The following MGMT variants were observed in gnomAD, a reference collection of about 807,000 sequenced individuals.
MGMT encodes the protein O-6-methylguanine-DNA methyltransferase.
MGMT carries 14 observed loss-of-function variants against 15.9 expected under a neutral mutation model. The ratio of observed to expected loss-of-function variants is 0.88; its 90% CI spans 0.58 to 1.37. The LOEUF is 1.37. MGMT is among the 40% of genes most tolerant of loss of function. The pLI, the probability that MGMT is intolerant of heterozygous loss-of-function variation, is 0.00. For synonymous variants in MGMT, 130 were observed against 118.2 expected (o/e 1.10, Z -0.65); for missense variants, 282 against 268.1 (o/e 1.05, Z -0.36).
At chr10:129,586,314 C>G (rs1312094434) in intron 2 of MGMT, among the ~76,000 whole-genome samples, 1 of 152,164 alleles carries the variant, frequency 6.6e-6, no homozygotes, top group Non-Finnish European at 1.5e-5. Context: ...AAAGTTTCCT[C>G]TTGCACCTCT....
At chr10:129,505,226 ATC>A (rs1421414590) in intron 1 of MGMT, among the ~76,000 whole-genome samples, 12 of 148,826 alleles carry the variant, frequency 8.1e-5, no homozygotes, top group Admixed American at 1.3e-4. Context: ...GTAGATAAAT[ATC>A]TCTTTTAGTC....
intron 1 of MGMT, among the ~76,000 whole-genome samples, chr10:129,496,652 A>G (rs1845525011): frequency 6.6e-6 from 1 of 151,986 alleles, no homozygotes; most frequent in South Asian, 2.1e-4. Context: ...CAGCCGTGGA[A>G]TGGGGATGGG....
chr10:129,468,445 C>T (rs923199591), intron 1 of MGMT, among the ~76,000 whole-genome samples: 7 of 151,946 alleles, frequency 4.6e-5, no homozygotes, highest in Non-Finnish European at 1.0e-4. Flanking sequence ...CTTGCTCTGC[C>T]GCGTGTCTTT....
At chr10:129,495,382 G>T (rs4751091) in intron 1 of MGMT, among the ~76,000 whole-genome samples, 9,157 of 152,234 alleles carry the variant, frequency 0.06, 386 homozygotes, top group Admixed American at 0.079. Flanking sequence ...ATAGTCACTT[G>T]GTAATTAGGT....
chr10:129,627,611 C>A (rs1398234851), intron 2 of MGMT, among the ~76,000 whole-genome samples: 1 of 152,186 alleles, frequency 6.6e-6, no homozygotes, highest in Non-Finnish European at 1.5e-5. Flanking sequence ...CCAACACTTC[C>A]TTCCTCACAG....
At chr10:129,620,260 A>G (rs938485131) in intron 2 of MGMT, among the ~76,000 whole-genome samples, 1 of 152,210 alleles carries the variant, frequency 6.6e-6, no homozygotes, top group African/African-American at 2.4e-5. Context: ...TACTGTAATT[A>G]TTGTAAATGG....
intron 2 of MGMT, among the ~76,000 whole-genome samples, chr10:129,682,244 A>T (rs1251516026): frequency 6.6e-6 from 1 of 152,164 alleles, no homozygotes. Context: ...AGCAATTCAG[A>T]TGTCCTTCCA....
At chr10:129,485,410 CTCACT>C (rs1296462895) in intron 1 of MGMT, among the ~76,000 whole-genome samples, 1 of 152,194 alleles carries the variant, frequency 6.6e-6, no homozygotes, top group Non-Finnish European at 1.5e-5. Flanking sequence ...TGGCGGCTGG[CTCACT>C]TCACTTCCCT....
chr10:129,507,256 C>T (rs1167895897), intron 1 of MGMT, among the ~76,000 whole-genome samples: 2 of 152,210 alleles, frequency 1.3e-5, no homozygotes, highest in Non-Finnish European at 2.9e-5. Flanking sequence ...TGCATTTATC[C>T]CATGTCCTTG....
chr10:129,640,872 G>T (rs1005325005), intron 2 of MGMT, among the ~76,000 whole-genome samples: 1 of 152,074 alleles, frequency 6.6e-6, no homozygotes, highest in Non-Finnish European at 1.5e-5. Context: ...TGTTAATCTC[G>T]AAGAAATTTC....
intron 1 of MGMT, among the ~76,000 whole-genome samples, chr10:129,480,723 T>G (rs1350741162): frequency 2.0e-5 from 3 of 152,160 alleles, no homozygotes; most frequent in Admixed American, 2.0e-4. Flanking sequence ...ACAAAAACAT[T>G]TTTTAAAAAG....
At chr10:129,469,394 A>G (rs1845205542) in intron 1 of MGMT, among the ~76,000 whole-genome samples, 1 of 152,080 alleles carries the variant, frequency 6.6e-6, no homozygotes, top group Non-Finnish European at 1.5e-5. Context: ...TCTTTGATAG[A>G]AAAAAAATGG....
intron 3 of MGMT, among the ~76,000 whole-genome samples, chr10:129,744,915 A>G (rs1848676828): frequency 6.6e-6 from 1 of 151,990 alleles, no homozygotes; most frequent in South Asian, 2.1e-4. Flanking sequence ...TGCTGACACC[A>G]CCCACCTTGC....
chr10:129,496,725 C>T (rs1480106943), intron 1 of MGMT, among the ~76,000 whole-genome samples: 1 of 152,216 alleles, frequency 6.6e-6, no homozygotes, highest in Non-Finnish European at 1.5e-5. Flanking sequence ...AGAGAAATAA[C>T]TCACAAGGGA....
intron 2 of MGMT, among the ~76,000 whole-genome samples, chr10:129,584,719 C>T (rs575069773): frequency 9.2e-4 from 140 of 152,294 alleles, no homozygotes; most frequent in African/African-American, 3.2e-3. Flanking sequence ...GGATGTTTTG[C>T]ATCAACGGAA....
intron 2 of MGMT, among the ~76,000 whole-genome samples, chr10:129,610,787 C>T (rs1846950692): frequency 6.6e-6 from 1 of 152,208 alleles, no homozygotes; most frequent in Admixed American, 6.5e-5. Context: ...GCAAAGCCCT[C>T]ATCTAGGATA....
intron 1 of MGMT, among the ~76,000 whole-genome samples, chr10:129,494,921 A>G (rs1317723652): frequency 1.3e-5 from 2 of 152,214 alleles, no homozygotes; most frequent in Non-Finnish European, 2.9e-5. Context: ...TGCTGTGTCA[A>G]TAGGGACGTC....
chr10:129,635,381 GCC>G (rs1451980473), intron 2 of MGMT, among the ~76,000 whole-genome samples: 11 of 152,212 alleles, frequency 7.2e-5, no homozygotes, highest in Non-Finnish European at 1.5e-4. Context: ...AGCTGGCCAG[GCC>G]CTTCCTGTGT....
At chr10:129,657,697 ACACACACACG>A (rs1283432096) in intron 2 of MGMT, among the ~76,000 whole-genome samples, 3,437 of 138,560 alleles carry the variant, frequency 0.025, 162 homozygotes, top group African/African-American at 0.099. Flanking sequence ...ACACACACAC[ACACACACACG>A]CACACACACA....
Sources: allele counts gnomAD v4.1 joint callset (sites outside exome capture counted in the v4.1 genomes callset), GRCh38; gene constraint gnomAD v4.1.1; transcripts MANE v1.5; gene names NCBI Gene and HGNC (gene_info 2026-07-23, HGNC 2026-07-21).